POLR2I: variants seen among roughly 807,000 people sequenced by gnomAD.
The protein encoded by POLR2I is RNA polymerase II subunit I, also known as DNA-directed RNA polymerase II subunit RPB9.
A neutral mutation model predicts 23.0 loss-of-function variants in POLR2I; 15 were observed. The observed-to-expected ratio is 0.65, with a 90% CI of 0.44 to 1.00. The LOEUF (loss-of-function observed/expected upper bound fraction) is 1.00, where lower values mean the gene tolerates loss of function less well. Among genes scored for constraint, POLR2I ranks in the 50% least tolerant of loss-of-function variants. The pLI is 0.00. For missense variants in POLR2I, 120 were observed against 173.7 expected, an observed-to-expected ratio of 0.69 and a Z score of 1.74; for synonymous variants, 72 against 65.4, an observed-to-expected ratio of 1.10 and a Z score of -0.49.
At position 36,114,618 on chromosome 19, in the gene POLR2I, T is replaced by G; in HGVS notation, c.114+41A>C. On this transcript the variant is annotated intron_variant, in intron 2 of 5. Coordinates refer to ENST00000221859, the MANE Select transcript of POLR2I (RefSeq NM_006233.5). The surrounding 1 kb of genome is among the most constrained non-coding windows in gnomAD (Gnocchi z 4.5). Reference sequence around the variant, plus strand: ...GGCAGGGGGCAGGGCGGGGCCACGCTGGGAACAGGTGGACCTGCCGGGGAA... The same window carrying G: ...GGCAGGGGGCAGGGCGGGGCCACGCGGGGAACAGGTGGACCTGCCGGGGAA... 1.3e-6 allele frequency: 2 copies of G among 1,579,474 alleles called. No homozygotes were observed. The highest frequency in any genetic ancestry group is 3.4e-5 in the Admixed American group (2 of 58,950).
rs779492170 is a variant in POLR2I at position 36,114,377 on chromosome 19, G to A, written c.150C>T (p.Asn50=). The A allele has an allele frequency of 1.9e-6, 3 of 1,614,046 alleles. No homozygotes were observed. The highest frequency in any genetic ancestry group is 1.7e-6 in the Non-Finnish European group (2 of 1,180,040). Reference sequence around the variant, plus strand: ...TGATCTTGTTGACATAGATGCAGCTGTTGTCGGCCTCCTGCTGGTAATCAC... The same window carrying A: ...TGATCTTGTTGACATAGATGCAGCTATTGTCGGCCTCCTGCTGGTAATCAC... ...RNCDYQQEAD[N]SCIYVNKITH... The change falls in exon 3 of 6, where the codon AAC becomes AAT. Residue 50 remains asparagine (N), a synonymous_variant. Coordinates refer to ENST00000221859, the MANE Select transcript of POLR2I (RefSeq NM_006233.5). This position sits in a 1 kb window ranked among gnomAD's most constrained non-coding sequence, Gnocchi z 4.5.
chr19:36,114,586 TCA>T lies in POLR2I; in HGVS notation c.114+71_114+72del. 1.4e-6 allele frequency: 2 copies of T among 1,454,656 alleles called. No homozygotes were observed. The highest frequency in any genetic ancestry group is 1.2e-5 in the South Asian group (1 of 84,724). The allele number at this position is 1,454,656 out of a possible 1,614,324, so 90.1% of individuals were successfully genotyped here. On this transcript the variant is annotated intron_variant, in intron 2 of 5. Coordinates refer to ENST00000221859, the MANE Select transcript of POLR2I (RefSeq NM_006233.5). This position sits in a 1 kb window ranked among gnomAD's most constrained non-coding sequence, Gnocchi z 4.5. The stretch of plus-strand genomic sequence containing the variant: ...AGCGGAGGGCGAACAGGGAGTCCGA[TCA>T]CAGAGGCAGGGGGCAGGGCGGGGCC...
At position 36,113,727 on chromosome 19, in the gene POLR2I, G is replaced by C. The variant is rs372008072; in HGVS notation, c.*28C>G. The stretch of plus-strand genomic sequence containing the variant: ...AGAAAACTCACGCATGGAATCTGGT[G>C]TTTATTACACTCGGGGGAGAGAGGA... On this transcript the variant is annotated 3_prime_UTR_variant, in exon 6 of 6. Coordinates refer to ENST00000221859, the MANE Select transcript of POLR2I (RefSeq NM_006233.5). 1.4e-5 allele frequency: 22 copies of C among 1,610,242 alleles called. No homozygotes were observed. Among genetic ancestry groups the C allele is most frequent in the Non-Finnish European group, 1.9e-5 (22 of 1,178,222 alleles).
rs1337312267 is a variant in POLR2I at position 36,114,271 on chromosome 19, C to T, written c.189-20G>A. 6.2e-7 allele frequency: 1 copy of T among 1,613,398 alleles called. No homozygotes were observed. Among genetic ancestry groups the T allele is most frequent in the African/African-American group, 1.3e-5 (1 of 74,758 alleles). ...AGTTCGCTGCAGGGACGCGGGGGTGCAAAATTACGCTCAGACCCAGCCTCC... is the reference window on the plus strand; with the variant it reads ...AGTTCGCTGCAGGGACGCGGGGGTGTAAAATTACGCTCAGACCCAGCCTCC... On this transcript the variant is annotated intron_variant, in intron 3 of 5. Transcript: ENST00000221859. The surrounding 1 kb of genome is among the most constrained non-coding windows in gnomAD (Gnocchi z 4.5).
In POLR2I at chr19:36,114,280, G is replaced by A. The variant is rs1367129567; in HGVS notation, c.189-29C>T. On this transcript the variant is annotated intron_variant, in intron 3 of 5. Coordinates refer to ENST00000221859, the MANE Select transcript of POLR2I (RefSeq NM_006233.5). The surrounding 1 kb of genome is among the most constrained non-coding windows in gnomAD (Gnocchi z 4.5). ...CAGGGACGCGGGGGTGCAAAATTAC[G>A]CTCAGACCCAGCCTCCAGAGCCAAC... 2 of 1,613,214 alleles carry A rather than the reference G, an allele frequency of 1.2e-6. No homozygotes were observed. The highest frequency in any genetic ancestry group is 8.5e-7 in the Non-Finnish European group (1 of 1,179,656).
rs1280952678 is a variant in POLR2I at position 36,114,117 on chromosome 19, C to CCTT, written c.264-54_264-52dup. ...GGAGGCTTCACACCCTTCCCTCCTC[C>CCTT]CTTCGCCCAGTGAGGAGACGAGCCT... is the stretch of plus-strand genomic sequence containing the variant. On this transcript the variant is annotated intron_variant, in intron 4 of 5. Transcript: ENST00000221859. This position sits in a 1 kb window ranked among gnomAD's most constrained non-coding sequence, Gnocchi z 4.5. 3 of 1,612,554 alleles carry CCTT rather than the reference C, an allele frequency of 1.9e-6. No individual in the cohort carries two copies. The highest frequency in any genetic ancestry group is 2.5e-6 in the Non-Finnish European group (3 of 1,178,594).
At position 36,114,840 on chromosome 19, in the gene POLR2I, G is replaced by C; in HGVS notation, c.17C>G (p.Thr6Ser). Residue 6 changes from threonine (T) to serine (S), a missense_variant, in exon 1 of 6, where the codon ACT becomes AGT. Thr to Ser is a moderately conservative substitution (Grantham distance 58). Coordinates refer to ENST00000221859, the MANE Select transcript of POLR2I (RefSeq NM_006233.5). This position sits in a 1 kb window ranked among gnomAD's most constrained non-coding sequence, Gnocchi z 4.5. MEPDG[T>S]YEPGFVGIRF... ...AATACCCACGAAGCCCGGCTCGTAA[G>C]TCCCGTCGGGCTCCATGGCGACGCG... The C allele has an allele frequency of 6.2e-7, 1 of 1,613,918 alleles. No individual in the cohort carries two copies. The highest frequency in any genetic ancestry group is 2.2e-5 in the East Asian group (1 of 44,882).
In POLR2I at chr19:36,114,612, C is replaced by A; in HGVS notation, c.114+47G>T. 1 of 1,567,424 alleles carries A rather than the reference C, an allele frequency of 6.4e-7. No homozygotes were observed. Among genetic ancestry groups the A allele is most frequent in the Non-Finnish European group, 8.7e-7 (1 of 1,145,892 alleles). On this transcript the variant is annotated intron_variant, in intron 2 of 5. Transcript: ENST00000221859. This position sits in a 1 kb window ranked among gnomAD's most constrained non-coding sequence, Gnocchi z 4.5. Reference sequence around the variant, plus strand: ...CACAGAGGCAGGGGGCAGGGCGGGGCCACGCTGGGAACAGGTGGACCTGCC... The same window carrying A: ...CACAGAGGCAGGGGGCAGGGCGGGGACACGCTGGGAACAGGTGGACCTGCC...
chr19:36,114,568 G>A lies in POLR2I; in HGVS notation c.114+91C>T, dbSNP rs150874978. 8.5e-4 allele frequency: 1,161 copies of A among 1,363,364 alleles called. 11 individuals carry two copies. The African/African-American group carries it at 0.015, about 18-fold the overall frequency. 84.5% of individuals were successfully genotyped at this position (1,363,364 alleles called of 1,614,324 possible). On this transcript the variant is annotated intron_variant, in intron 2 of 5. Transcript: ENST00000221859. This position sits in a 1 kb window ranked among gnomAD's most constrained non-coding sequence, Gnocchi z 4.5. The stretch of plus-strand genomic sequence containing the variant: ...CAGGATCACTTGAGGTGCAGCGGAG[G>A]GCGAACAGGGAGTCCGATCACAGAG...
At position 36,114,281 on chromosome 19, in the gene POLR2I, C is replaced by G; in HGVS notation, c.189-30G>C. 1 of 1,613,606 alleles carries G rather than the reference C, an allele frequency of 6.2e-7. No homozygotes were observed. The highest frequency in any genetic ancestry group is 8.5e-7 in the Non-Finnish European group (1 of 1,179,786). On this transcript the variant is annotated intron_variant, in intron 3 of 5. Coordinates refer to ENST00000221859, the MANE Select transcript of POLR2I (RefSeq NM_006233.5). The surrounding 1 kb of genome is among the most constrained non-coding windows in gnomAD (Gnocchi z 4.5). ...AGGGACGCGGGGGTGCAAAATTACG[C>G]TCAGACCCAGCCTCCAGAGCCAACA... is the stretch of plus-strand genomic sequence containing the variant.
At chr19:36,113,862 C>A in intron 5 of POLR2I, 45 bp from the exon 6 acceptor site, 1 of 1,604,784 alleles carries the variant, frequency 6.2e-7, no homozygotes, top group Non-Finnish European at 8.5e-7. Context: ...GACCCAGCAG[C>A]GCCTTACCCC....
intron 5 of POLR2I, 95 bp downstream of exon 5, chr19:36,113,920 G>A (rs780214303): frequency 3.2e-6 from 5 of 1,575,248 alleles, no homozygotes; most frequent in African/African-American, 2.7e-5. Flanking sequence ...GCCCGGCAGA[G>A]TTCCAAGAAG....
chr19:36,114,665 G>A lies in POLR2I; in HGVS notation c.108C>T (p.Leu36=), dbSNP rs556778162. The A allele has an allele frequency of 3.1e-6, 5 of 1,609,000 alleles. No individual in the cohort carries two copies. In the African/African-American group the frequency reaches 4.0e-5, roughly 13 times the overall value. The change falls in exon 2 of 6, where the codon CTC becomes CTT. Residue 36 remains leucine, a synonymous_variant. Coordinates refer to ENST00000221859, the MANE Select transcript of POLR2I (RefSeq NM_006233.5). The surrounding 1 kb of genome is among the most constrained non-coding windows in gnomAD (Gnocchi z 4.5). The part of the protein sequence containing the change: ...PKEDKENRIL[L]YACRNCDYQQ... Reference sequence around the variant, plus strand: ...GGAAGACCCCGGCGCTCACCGCGTAGAGCAGAATGCGGTTCTCCTTGTCTT... The same window carrying A: ...GGAAGACCCCGGCGCTCACCGCGTAAAGCAGAATGCGGTTCTCCTTGTCTT...
Position 36,114,587 on chromosome 19 carries a change from C to A in POLR2I, c.114+72G>T. ...GCGGAGGGCGAACAGGGAGTCCGAT[C>A]ACAGAGGCAGGGGGCAGGGCGGGGC... On this transcript the variant is annotated intron_variant, in intron 2 of 5. Transcript: ENST00000221859. This position sits in a 1 kb window ranked among gnomAD's most constrained non-coding sequence, Gnocchi z 4.5. 1 of 1,462,628 alleles carries A rather than the reference C, an allele frequency of 6.8e-7. No homozygotes were observed. The highest frequency in any genetic ancestry group is 1.2e-5 in the South Asian group (1 of 84,782). 90.6% of individuals were successfully genotyped at this position (1,462,628 alleles called of 1,614,324 possible).
Position 36,114,835 on chromosome 19 carries a change from C to T in POLR2I, c.22G>A (p.Glu8Lys), listed in dbSNP as rs1369396861. ...AAGCGAATACCCACGAAGCCCGGCT[C>T]GTAAGTCCCGTCGGGCTCCATGGCG... MEPDGTY[E>K]PGFVGIRFCQ... The change falls in exon 1 of 6, where the codon GAG (glutamate) becomes AAG (lysine). Residue 8 changes from glutamate to lysine, a missense_variant. Glu to Lys is a moderately conservative substitution (Grantham distance 56, BLOSUM62 1). Transcript: ENST00000221859. The surrounding 1 kb of genome is among the most constrained non-coding windows in gnomAD (Gnocchi z 4.5). 1.9e-6 allele frequency: 3 copies of T among 1,613,898 alleles called. No homozygotes were observed. The highest frequency in any genetic ancestry group is 2.5e-6 in the Non-Finnish European group (3 of 1,180,030).
Position 36,114,322 on chromosome 19 carries a change from C to T in POLR2I, c.188+17G>A, listed in dbSNP as rs1468904241. ...AGAGCCAACACCCCCGCCCCCAGCT[C>T]AGGGCCCGCCACTCACTCCACTTCG... On this transcript the variant is annotated intron_variant, in intron 3 of 5. Coordinates refer to ENST00000221859, the MANE Select transcript of POLR2I (RefSeq NM_006233.5). The surrounding 1 kb of genome is among the most constrained non-coding windows in gnomAD (Gnocchi z 4.5). The T allele has an allele frequency of 1.9e-6, 3 of 1,613,786 alleles. No individual in the cohort carries two copies. In the Admixed American group the frequency reaches 5.0e-5, roughly 27 times the overall value.
At position 36,114,618 on chromosome 19, in the gene POLR2I, T is replaced by C; in HGVS notation, c.114+41A>G. 1 of 1,579,474 alleles carries C rather than the reference T, an allele frequency of 6.3e-7. No homozygotes were observed. Among genetic ancestry groups the C allele is most frequent in the Non-Finnish European group, 8.7e-7 (1 of 1,155,340 alleles). On this transcript the variant is annotated intron_variant, in intron 2 of 5. Transcript: ENST00000221859. The surrounding 1 kb of genome is among the most constrained non-coding windows in gnomAD (Gnocchi z 4.5). ...GGCAGGGGGCAGGGCGGGGCCACGC[T>C]GGGAACAGGTGGACCTGCCGGGGAA...
rs374618000 is a variant in POLR2I, at chr19:36,113,986, G to A, written c.315+29C>T. ...CCCAGAAAGGACCAAACAAGCCCCA[G>A]ATACTTAGAAAGCCCTCGCGCCACT... On this transcript the variant is annotated intron_variant, in intron 5 of 5. Coordinates refer to ENST00000221859, the MANE Select transcript of POLR2I (RefSeq NM_006233.5). 62 of 1,611,836 alleles carry A rather than the reference G, an allele frequency of 3.8e-5. No individual in the cohort carries two copies. The African/African-American group carries it at 4.5e-4, about 12-fold the overall frequency.
chr19:36,114,383 G>A lies in POLR2I; in HGVS notation c.144C>T (p.Ala48=). The change falls in exon 3 of 6, where the codon GCC becomes GCT. Residue 48 remains alanine, a synonymous_variant. Coordinates refer to ENST00000221859, the MANE Select transcript of POLR2I (RefSeq NM_006233.5). This position sits in a 1 kb window ranked among gnomAD's most constrained non-coding sequence, Gnocchi z 4.5. ...ACRNCDYQQE[A]DNSCIYVNKI... ...TGTTGACATAGATGCAGCTGTTGTCGGCCTCCTGCTGGTAATCACAGTTCC... is the reference window on the plus strand; with the variant it reads ...TGTTGACATAGATGCAGCTGTTGTCAGCCTCCTGCTGGTAATCACAGTTCC... 6.2e-7 allele frequency: 1 copy of A among 1,614,058 alleles called. No homozygotes were observed. The highest frequency in any genetic ancestry group is 8.5e-7 in the Non-Finnish European group (1 of 1,180,000).
Sources: allele counts gnomAD v4.1 joint callset, GRCh38; gene constraint gnomAD v4.1.1; non-coding constraint Gnocchi (gnomAD v3.1); transcripts MANE v1.5; gene names NCBI Gene and HGNC (gene_info 2026-07-23, HGNC 2026-07-21).